PPM1E: variants seen among roughly 807,000 people sequenced by gnomAD.
PPM1E encodes protein phosphatase, Mg2+/Mn2+ dependent 1E, also known as protein phosphatase 1E.
A neutral mutation model predicts 65.9 loss-of-function variants in PPM1E; 20 were observed. The observed-to-expected ratio is 0.30, with a 90% confidence interval of 0.21 to 0.44. PPM1E has a LOEUF of 0.44. Among genes scored for constraint, PPM1E ranks in the 20% least tolerant of loss-of-function variants. The probability of loss-of-function intolerance (pLI) is 1.00; values close to 1 mark genes in which losing one functional copy is unlikely to be tolerated. For missense variants in PPM1E, 713 were observed against 953.1 expected (o/e 0.75, Z 3.32); for synonymous variants, 352 against 374.9 (o/e 0.94, Z 0.70).
At chr17:58,922,956 A>C (rs1267805200) in intron 1 of PPM1E, among the ~76,000 whole-genome samples, 2 of 152,086 alleles carry the variant, frequency 1.3e-5, no homozygotes, top group Admixed American at 1.3e-4. Context: ...AAATAGAATA[A>C]ATTTCTAATG....
At chr17:58,891,229 G>A (rs2143431079) in intron 1 of PPM1E, among the ~76,000 whole-genome samples, 1 of 152,274 alleles carries the variant, frequency 6.6e-6, no homozygotes, top group East Asian at 1.9e-4. Flanking sequence ...GCCTCCCAAA[G>A]TTTTGGGATT....
In PPM1E at chr17:58,955,777, T is replaced by C; in HGVS notation, c.583+10T>C. 3.8e-6 allele frequency: 6 copies of C among 1,571,660 alleles called. No homozygotes were observed. The African/African-American group carries it at 6.9e-5, about 18-fold the overall frequency. ...ACAGAAGGGACTGTGGGTGAGTACC[T>C]TTCTACATTATTTGTTTAAAAATAC... On this transcript the variant is annotated intron_variant, in intron 2 of 6. Transcript: ENST00000308249.
At chr17:58,955,533 A>T in intron 1 of PPM1E, 116 bp from the exon 2 acceptor site, 1 of 1,125,440 alleles carries the variant, frequency 8.9e-7, no homozygotes, top group Non-Finnish European at 1.3e-6. Flanking sequence ...AATATTGTTT[A>T]AAGGTATAAT....
intron 1 of PPM1E, among the ~76,000 whole-genome samples, chr17:58,823,280 G>A (rs2143144280): frequency 6.6e-6 from 1 of 152,262 alleles, no homozygotes; most frequent in South Asian, 2.1e-4. Flanking sequence ...TTCAAGGAAT[G>A]GAATGGGCAG....
chr17:58,845,299 G>GT (rs570990703), intron 1 of PPM1E, among the ~76,000 whole-genome samples: 2,920 of 131,630 alleles, frequency 0.022, 45 homozygotes, highest in African/African-American at 0.041. Flanking sequence ...GTCATGGTTG[G>GT]TTTTTTTTTT....
At chr17:58,822,740 G>A (rs2050493481) in intron 1 of PPM1E, among the ~76,000 whole-genome samples, 1 of 152,162 alleles carries the variant, frequency 6.6e-6, no homozygotes, top group South Asian at 2.1e-4. Context: ...TAGATGATAT[G>A]CTTTTTTTCT....
intron 1 of PPM1E, among the ~76,000 whole-genome samples, chr17:58,783,792 C>G (rs561775036): frequency 2.2e-4 from 33 of 152,176 alleles, no homozygotes; most frequent in African/African-American, 6.0e-4. Flanking sequence ...ACTGCAACCT[C>G]CTACCCCCAG....
intron 1 of PPM1E, among the ~76,000 whole-genome samples, chr17:58,810,128 C>CGT (rs2050351674): frequency 6.6e-6 from 1 of 152,102 alleles, no homozygotes; most frequent in Non-Finnish European, 1.5e-5. Flanking sequence ...TTAGTAGCTA[C>CGT]GTGTGGATAG....
At position 58,851,000 on chromosome 17, in the gene PPM1E, C is replaced by A. The variant is rs113035148; in HGVS notation, c.464+94539C>A. Among the ~76,000 whole-genome samples, 1,383 of 152,224 alleles carry A rather than the reference C, an allele frequency of 9.1e-3. 24 individuals carry two copies. The highest frequency in any genetic ancestry group is 0.031 in the African/African-American group (1,278 of 41,528). ...TCTTTTTACTTTTTTCTCTAAACTT[C>A]TCTTCTGGCTTCATTTCATTCATTT... On this transcript the variant is annotated intron_variant, in intron 1 of 6. Transcript: ENST00000308249.
intron 1 of PPM1E, among the ~76,000 whole-genome samples, chr17:58,932,401 G>A (rs1231344767): frequency 2.0e-5 from 3 of 152,066 alleles, no homozygotes; most frequent in African/African-American, 7.2e-5. Flanking sequence ...CTCGGGAGGT[G>A]GAGGTTGCAG....
At chr17:58,807,134 T>G (rs2050323839) in intron 1 of PPM1E, among the ~76,000 whole-genome samples, 1 of 152,232 alleles carries the variant, frequency 6.6e-6, no homozygotes, top group Non-Finnish European at 1.5e-5. Flanking sequence ...CTTATGATAA[T>G]TGTTGAACTT....
At chr17:58,886,806 A>G (rs2051270580) in intron 1 of PPM1E, among the ~76,000 whole-genome samples, 1 of 152,202 alleles carries the variant, frequency 6.6e-6, no homozygotes, top group African/African-American at 2.4e-5. Context: ...TACATATGAA[A>G]GGTTGAGAAA....
At chr17:58,961,717 A>G (rs1351821090) in intron 2 of PPM1E, among the ~76,000 whole-genome samples, 1 of 152,208 alleles carries the variant, frequency 6.6e-6, no homozygotes, top group Non-Finnish European at 1.5e-5. Context: ...GTGTTGCCCT[A>G]TGTGGGAGCC....
intron 1 of PPM1E, among the ~76,000 whole-genome samples, chr17:58,818,035 G>A (rs1356233364): frequency 1.3e-5 from 2 of 152,010 alleles, no homozygotes; most frequent in Non-Finnish European, 2.9e-5. Flanking sequence ...CACCGCGCCC[G>A]GCCCACTCTA....
chr17:58,933,865 G>C (rs1353416039), intron 1 of PPM1E, among the ~76,000 whole-genome samples: 2 of 151,552 alleles, frequency 1.3e-5, no homozygotes, highest in African/African-American at 4.9e-5. Context: ...GGGAGGCCAA[G>C]GCGGGTGGAT....
chr17:58,881,527 G>C (rs926447542), intron 1 of PPM1E, among the ~76,000 whole-genome samples: 3 of 152,116 alleles, frequency 2.0e-5, no homozygotes, highest in African/African-American at 7.2e-5. Context: ...GCCGGGTGTG[G>C]TGGCGAGTGC....
At chr17:58,891,713 T>G (rs2051347490) in intron 1 of PPM1E, among the ~76,000 whole-genome samples, 1 of 152,134 alleles carries the variant, frequency 6.6e-6, no homozygotes, top group South Asian at 2.1e-4. Context: ...AGTAAATATC[T>G]CATGATCTCT....
chr17:58,879,064 A>G (rs953968362), intron 1 of PPM1E, among the ~76,000 whole-genome samples: 32 of 152,050 alleles, frequency 2.1e-4, no homozygotes, highest in Non-Finnish European at 1.6e-4. Flanking sequence ...GCAATAATCC[A>G]GACACTGGAA....
intron 1 of PPM1E, among the ~76,000 whole-genome samples, chr17:58,776,208 T>C (rs1228968191): frequency 1.3e-5 from 2 of 151,912 alleles, no homozygotes; most frequent in African/African-American, 4.8e-5. Flanking sequence ...GCCTCTGTAG[T>C]CCCAGCTACT....
Sources: gnomAD v4.1 joint callset for allele counts (sites outside exome capture counted in the v4.1 genomes callset) on GRCh38, gnomAD v4.1.1 for gene constraint, MANE v1.5 for transcripts, NCBI Gene and HGNC (gene_info 2026-07-23, HGNC 2026-07-21) for gene names.